NDST4: variants seen among roughly 807,000 people sequenced by gnomAD.
The protein encoded by NDST4 is N-heparan sulfate sulfotransferase 4.
In NDST4, 63 loss-of-function variants were observed where a neutral mutation model predicts 100.8. The observed-to-expected ratio is 0.62, with a 90% CI of 0.51 to 0.77. NDST4 has a LOEUF of 0.77. Among genes scored for constraint, NDST4 ranks in the 30% least tolerant of loss-of-function variants. NDST4 has a pLI of 0.00. For synonymous variants in NDST4, 377 were observed against 361.8 expected (o/e 1.04, Z -0.48); for missense variants, 943 against 1,018.4 (o/e 0.93, Z 1.01).
At chr4:115,098,263 G>A (rs751292591) in intron 1 of NDST4, among the ~76,000 whole-genome samples, 2 of 152,048 alleles carry the variant, frequency 1.3e-5, no homozygotes, top group Non-Finnish European at 2.9e-5. Context: ...AAGATAAAAA[G>A]GTCTTACTCA....
intron 9 of NDST4, among the ~76,000 whole-genome samples, chr4:114,847,923 C>T (rs1035813132): frequency 6.6e-5 from 10 of 152,110 alleles, no homozygotes; most frequent in African/African-American, 2.4e-4. Context: ...TTAAATAATG[C>T]TACGCTTAAA....
At position 115,026,237 on chromosome 4, in the gene NDST4, A is replaced by C. The variant is rs554239534; in HGVS notation, c.979-48963T>G. 2.0e-5 allele frequency among the ~76,000 whole-genome samples: 3 copies of C among 152,114 alleles called. No homozygotes were observed. In the South Asian group the frequency reaches 6.2e-4, roughly 32 times the overall value. On this transcript the variant is annotated intron_variant, in intron 2 of 13. Transcript: ENST00000264363. ...TGATTTGGGTCAGTAAAAAGCTCTC[A>C]AAAAATGTGTTATAAGAAGGAATAA... is the stretch of plus-strand genomic sequence containing the variant.
At chr4:114,882,943 A>G (rs72679802) in intron 6 of NDST4, among the ~76,000 whole-genome samples, 11,294 of 152,040 alleles carry the variant, frequency 0.074, 490 homozygotes, top group East Asian at 0.13. Context: ...GTGGAATAAA[A>G]TATTCAAAAT....
intron 2 of NDST4, among the ~76,000 whole-genome samples, chr4:115,032,480 C>G (rs1728135907): frequency 6.6e-6 from 1 of 152,060 alleles, no homozygotes; most frequent in Non-Finnish European, 1.5e-5. Flanking sequence ...AGGGTAAAAG[C>G]TAAATCCTCA....
At chr4:114,915,788 T>A (rs1352303547) in intron 6 of NDST4, among the ~76,000 whole-genome samples, 1 of 151,144 alleles carries the variant, frequency 6.6e-6, no homozygotes, top group African/African-American at 2.4e-5. Context: ...ATAGAAGCAA[T>A]GAGCTGAAGT....
At chr4:114,929,392 T>C (rs1292357628) in intron 6 of NDST4, among the ~76,000 whole-genome samples, 1 of 152,168 alleles carries the variant, frequency 6.6e-6, no homozygotes, top group South Asian at 2.1e-4. Context: ...CTTTATGGAC[T>C]AGTGCTTGCT....
At chr4:114,905,230 C>A (rs180888469) in intron 6 of NDST4, among the ~76,000 whole-genome samples, 5 of 149,466 alleles carry the variant, frequency 3.3e-5, no homozygotes, top group African/African-American at 1.0e-4. Context: ...ATTATGTATT[C>A]CCTGGACCAG....
chr4:114,856,570 C>T (rs1723798052), intron 7 of NDST4, among the ~76,000 whole-genome samples: 1 of 152,082 alleles, frequency 6.6e-6, no homozygotes, highest in Non-Finnish European at 1.5e-5. Flanking sequence ...TTCTCAATAT[C>T]ATTTTATTCT....
intron 6 of NDST4, among the ~76,000 whole-genome samples, chr4:114,880,448 C>G (rs1724343141): frequency 6.6e-6 from 1 of 152,114 alleles, no homozygotes; most frequent in Non-Finnish European, 1.5e-5. Flanking sequence ...ATAAAAGTCA[C>G]TGAAGTGCAA....
intron 1 of NDST4, among the ~76,000 whole-genome samples, chr4:115,084,443 T>C (rs1729367900): frequency 6.6e-6 from 1 of 152,198 alleles, no homozygotes; most frequent in Non-Finnish European, 1.5e-5. Context: ...GAGCAGAATG[T>C]TAATCACCAA....
chr4:114,842,461 C>T (rs939003022), intron 10 of NDST4, among the ~76,000 whole-genome samples: 12 of 151,504 alleles, frequency 7.9e-5, no homozygotes, highest in Non-Finnish European at 1.6e-4. Context: ...TGTCTACGAA[C>T]TCGGATCAGC....
intron 4 of NDST4, among the ~76,000 whole-genome samples, chr4:114,946,809 T>C (rs1471272675): frequency 6.6e-6 from 1 of 152,204 alleles, no homozygotes; most frequent in Non-Finnish European, 1.5e-5. Flanking sequence ...TACAGATCTT[T>C]TAGGTTTTTA....
At chr4:114,957,251 TCA>T (rs1726161405) in intron 4 of NDST4, among the ~76,000 whole-genome samples, 1 of 152,192 alleles carries the variant, frequency 6.6e-6, no homozygotes, top group African/African-American at 2.4e-5. Flanking sequence ...TTTAATAGAC[TCA>T]CAGTTCCACA....
chr4:115,032,702 T>C (rs1728140904), intron 2 of NDST4, among the ~76,000 whole-genome samples: 1 of 152,152 alleles, frequency 6.6e-6, no homozygotes, highest in Non-Finnish European at 1.5e-5. Context: ...ACAGTCACAT[T>C]TATTACTGTC....
At chr4:114,987,596 G>A (rs1348463473) in intron 2 of NDST4, among the ~76,000 whole-genome samples, 3 of 152,060 alleles carry the variant, frequency 2.0e-5, no homozygotes, top group Admixed American at 6.6e-5. Flanking sequence ...TATGATCCAT[G>A]GGTCACTATA....
At chr4:114,841,065 A>T (rs1352811486) in intron 10 of NDST4, among the ~76,000 whole-genome samples, 1 of 152,210 alleles carries the variant, frequency 6.6e-6, no homozygotes, top group Non-Finnish European at 1.5e-5. Context: ...TATTTAATAC[A>T]GTAATGCTAA....
chr4:115,035,766 A>G lies in NDST4; in HGVS notation c.978+40293T>C, dbSNP rs147868984. On this transcript the variant is annotated intron_variant, in intron 2 of 13. Coordinates refer to ENST00000264363, the MANE Select transcript of NDST4 (RefSeq NM_022569.3). ...TTATGTGCATTATGAATGTTTAAAC[A>G]TAGTGAATATATCCATCACATATGA... is the stretch of plus-strand genomic sequence containing the variant. Among the ~76,000 whole-genome samples the G allele has an allele frequency of 2.3e-3, 343 of 152,176 alleles. 1 individual carries two copies. The highest frequency in any genetic ancestry group is 7.8e-3 in the African/African-American group (326 of 41,562).
intron 2 of NDST4, among the ~76,000 whole-genome samples, chr4:115,016,789 C>T (rs1245493056): frequency 5.3e-5 from 8 of 152,012 alleles, no homozygotes; most frequent in South Asian, 2.1e-4. Context: ...CTAATGACTC[C>T]GACCCTTCCA....
At chr4:114,936,772 C>T (rs1578399969) in intron 5 of NDST4, among the ~76,000 whole-genome samples, 2 of 152,100 alleles carry the variant, frequency 1.3e-5, no homozygotes, top group East Asian at 3.9e-4. Context: ...AAACATATAC[C>T]TCCCTTTTTG....
Sources: allele counts gnomAD v4.1 joint callset (sites outside exome capture counted in the v4.1 genomes callset), GRCh38; gene constraint gnomAD v4.1.1; transcripts MANE v1.5; gene names NCBI Gene and HGNC (gene_info 2026-07-23, HGNC 2026-07-21).